RAD18: variants seen among roughly 807,000 people sequenced by gnomAD.
The protein encoded by RAD18 is RAD18 E3 ubiquitin protein ligase.
In RAD18, 47 loss-of-function variants were observed where a neutral mutation model predicts 60.4. The ratio of observed to expected loss-of-function variants is 0.78; its 90% CI spans 0.62 to 0.99. The LOEUF (loss-of-function observed/expected upper bound fraction) is 0.99, where lower values mean the gene tolerates loss of function less well. Ranked by LOEUF, RAD18 falls within the 50% of genes least tolerant of loss-of-function variation. The probability of loss-of-function intolerance (pLI) is 0.00; values close to 1 mark genes in which losing one functional copy is unlikely to be tolerated. For synonymous variants in RAD18, 225 were observed against 195.5 expected (o/e 1.15, Z -1.26); for missense variants, 640 against 593.3 (o/e 1.08, Z -0.82).
chr3:8,933,053 G>T (rs571437622), intron 7 of RAD18, among the ~76,000 whole-genome samples: 4 of 151,892 alleles, frequency 2.6e-5, no homozygotes, highest in African/African-American at 9.7e-5. Context: ...CCGAGATCGC[G>T]CCATTGCACT....
chr3:8,883,709 G>A (rs1939511296), intron 12 of RAD18, among the ~76,000 whole-genome samples: 1 of 152,124 alleles, frequency 6.6e-6, no homozygotes, highest in Non-Finnish European at 1.5e-5. Flanking sequence ...GAAGCTCTAT[G>A]AATGAGAGTG....
At chr3:8,931,966 T>C (rs1310986750) in intron 7 of RAD18, among the ~76,000 whole-genome samples, 2 of 152,202 alleles carry the variant, frequency 1.3e-5, no homozygotes, top group South Asian at 2.1e-4. Context: ...ACTTTGACAT[T>C]TGACATTTAC....
chr3:8,935,725 A>G (rs1056581815), intron 7 of RAD18, 146 bp downstream of exon 7: 11 of 737,044 alleles, frequency 1.5e-5, no homozygotes, highest in African/African-American at 3.7e-5. Flanking sequence ...AGCATACTCT[A>G]GGTACCTTTT....
At chr3:8,910,062 T>C (rs144433961) in intron 9 of RAD18, among the ~76,000 whole-genome samples, 78 of 152,084 alleles carry the variant, frequency 5.1e-4, no homozygotes, top group African/African-American at 1.8e-3. Flanking sequence ...TCCCAGAAAG[T>C]TGGTGACAAG....
intron 8 of RAD18, 163 bp from the exon 9 acceptor site, chr3:8,912,535 T>C (rs1321326456): frequency 2.3e-6 from 1 of 431,808 alleles, no homozygotes; most frequent in Non-Finnish European, 4.0e-6. Flanking sequence ...TGTACTTCCC[T>C]TAAATACCAG....
rs147015538 is a variant in RAD18, at chr3:8,898,812, C to T, written c.1322+82G>A. ...CACACCATGCCATGCCTCAAAGCTA[C>T]ATTCTAATTATTTCTGCCTATCTAT... On this transcript the variant is annotated intron_variant, in intron 11 of 12. Coordinates refer to ENST00000264926, the MANE Select transcript of RAD18 (RefSeq NM_020165.4). 44 of 1,237,446 alleles carry T rather than the reference C, an allele frequency of 3.6e-5. No individual in the cohort carries two copies. The Middle Eastern group carries it at 1.2e-3, about 35-fold the overall frequency. 76.7% of individuals were successfully genotyped at this position (1,237,446 alleles called of 1,614,324 possible). A position where few individuals can be genotyped will look rare whatever the true frequency, so the allele number is the denominator to read the frequency against.
chr3:8,931,697 C>T (rs538705996), intron 7 of RAD18: 20 of 152,274 alleles, frequency 1.3e-4, no homozygotes, highest in African/African-American at 4.8e-4. Flanking sequence ...GGACCTAGAA[C>T]AATTTTGAGA....
chr3:8,916,772 G>C (rs1211238307), intron 7 of RAD18, among the ~76,000 whole-genome samples: 1 of 151,800 alleles, frequency 6.6e-6, no homozygotes, highest in African/African-American at 2.4e-5. Flanking sequence ...AATTGGATTG[G>C]TATTATCCAA....
chr3:8,923,615 G>T (rs1346426683), intron 7 of RAD18, among the ~76,000 whole-genome samples: 1 of 152,070 alleles, frequency 6.6e-6, no homozygotes, highest in South Asian at 2.1e-4. Context: ...ATAATTGACA[G>T]ATTCACCAAA....
intron 4 of RAD18, 179 bp downstream of exon 4, chr3:8,947,041 T>C (rs1940850072): frequency 8.6e-6 from 5 of 580,562 alleles, no homozygotes; most frequent in Non-Finnish European, 1.5e-5. Flanking sequence ...TTCTGTTAAG[T>C]AAAGGAAGAA....
At chr3:8,899,099 C>A in intron 10 of RAD18, 52 bp from the exon 11 acceptor site, 1 of 1,401,016 alleles carries the variant, frequency 7.1e-7, no homozygotes, top group Non-Finnish European at 9.8e-7. Flanking sequence ...TTCTGTATGC[C>A]TATTACTTCT....
At chr3:8,920,278 C>CAAAAAAAAAAAAAAAAA (rs60504682) in intron 7 of RAD18, among the ~76,000 whole-genome samples, 1 of 70,064 alleles carries the variant, frequency 1.4e-5, no homozygotes, top group East Asian at 4.1e-4. Context: ...GACTCCGTCT[C>CAAAAAAAAAAAAAAAAA]AAAAAAAAAA....
intron 7 of RAD18, among the ~76,000 whole-genome samples, chr3:8,915,535 T>C (rs2662086): frequency 1 from 151,971 of 151,972 alleles, 75,985 homozygotes; most frequent in Non-Finnish European, 1. Context: ...TATAAAAATT[T>C]TGGGTGGCTT....
chr3:8,893,679 CA>C (rs1939732372), intron 11 of RAD18, among the ~76,000 whole-genome samples: 2 of 148,918 alleles, frequency 1.3e-5, no homozygotes, highest in African/African-American at 4.9e-5. Flanking sequence ...ACTTTGTACA[CA>C]TTAGCTTTTT....
chr3:8,888,165 C>T (rs994344279), intron 12 of RAD18, among the ~76,000 whole-genome samples: 2 of 152,216 alleles, frequency 1.3e-5, no homozygotes, highest in Non-Finnish European at 2.9e-5. Flanking sequence ...CTCCTGACCA[C>T]GCTAGCGTCT....
chr3:8,956,133 C>T (rs1941005887), intron 2 of RAD18, among the ~76,000 whole-genome samples: 1 of 152,194 alleles, frequency 6.6e-6, no homozygotes, highest in Admixed American at 6.5e-5. Context: ...GCAACCTCAG[C>T]ATACAATTTT....
intron 7 of RAD18, among the ~76,000 whole-genome samples, chr3:8,934,974 T>C (rs909922659): frequency 4.3e-4 from 65 of 152,342 alleles, no homozygotes; most frequent in African/African-American, 1.5e-3. Flanking sequence ...ACATAAGCTA[T>C]TGGCCCTTTA....
rs749409576 is a variant in RAD18, at chr3:8,899,635, T to C, written c.1169-588A>G. Among the ~76,000 whole-genome samples, 110 of 152,206 alleles carry C rather than the reference T, an allele frequency of 7.2e-4. 6 individuals are homozygous for C. Among genetic ancestry groups the C allele is most frequent in the Non-Finnish European group, 2.2e-4 (15 of 68,032 alleles). ...TATTCTCAGATTTCAAGGTCTCTTA[T>C]TGCAGATAAAAATAAAGACCCCAAA... is the stretch of plus-strand genomic sequence containing the variant. On this transcript the variant is annotated intron_variant, in intron 10 of 12. Coordinates refer to ENST00000264926, the MANE Select transcript of RAD18 (RefSeq NM_020165.4).
At chr3:8,930,847 T>C (rs887870730) in intron 7 of RAD18, among the ~76,000 whole-genome samples, 1 of 152,142 alleles carries the variant, frequency 6.6e-6, no homozygotes, top group African/African-American at 2.4e-5. Context: ...ACTCAAATGA[T>C]TTTTGAAGGC....
Sources: gnomAD v4.1 joint callset for allele counts (sites outside exome capture counted in the v4.1 genomes callset) on GRCh38, gnomAD v4.1.1 for gene constraint, MANE v1.5 for transcripts, NCBI Gene and HGNC (gene_info 2026-07-23, HGNC 2026-07-21) for gene names.